Variants in TENM1 observed in about 807,000 individuals in gnomAD.
The protein encoded by TENM1 is teneurin transmembrane protein 1.
In TENM1, 35 loss-of-function variants were observed where a neutral mutation model predicts 174.8. The observed-to-expected ratio is 0.20, with a 90% CI of 0.15 to 0.27. The LOEUF (loss-of-function observed/expected upper bound fraction) is 0.27, where lower values mean the gene tolerates loss of function less well. Ranked by LOEUF, TENM1 falls within the 10% of genes least tolerant of loss-of-function variation. The pLI, the probability that TENM1 is intolerant of heterozygous loss-of-function variation, is 1.00. For synonymous variants in TENM1, 781 were observed against 798.7 expected (o/e 0.98, Z 0.37); for missense variants, 1,633 against 2,130.1 (o/e 0.77, Z 4.59).
chrX:124,920,375 G>A (rs1430585823), intron 1 of TENM1, among the ~76,000 whole-genome samples: 1 of 110,233 alleles, frequency 9.1e-6, no homozygotes, highest in African/African-American at 3.3e-5. Flanking sequence ...TTTCATATTT[G>A]CAAGGAATTT....
At chrX:124,627,445 A>G (rs1238795778) in intron 11 of TENM1, among the ~76,000 whole-genome samples, 1 of 111,673 alleles carries the variant, frequency 9.0e-6, no homozygotes, top group African/African-American at 3.3e-5. Flanking sequence ...ATTTAATATG[A>G]CCTCGTGGGA....
chrX:125,088,492 A>G, the TENM1 span, among the ~76,000 whole-genome samples: 1 of 111,436 alleles, frequency 9.0e-6, no homozygotes, highest in African/African-American at 3.3e-5. Flanking sequence ...GGGAAACTCC[A>G]TGGAATGGAG....
chrX:124,549,218 C>T (rs746960213), intron 14 of TENM1, among the ~76,000 whole-genome samples: 152 of 112,171 alleles, frequency 1.4e-3, no homozygotes, highest in Non-Finnish European at 1.8e-3. Flanking sequence ...CATCTGGATG[C>T]GCTGAAAAGC....
chrX:125,044,422 T>C, the TENM1 span, among the ~76,000 whole-genome samples: 1 of 107,472 alleles, frequency 9.3e-6, no homozygotes, highest in Non-Finnish European at 1.9e-5. Flanking sequence ...ACCCCATCTC[T>C]ACAAAAAATT....
intron 3 of TENM1, among the ~76,000 whole-genome samples, chrX:124,758,023 C>T (rs1006752918): frequency 9.9e-5 from 11 of 111,667 alleles, no homozygotes; most frequent in Non-Finnish European, 1.5e-4. Flanking sequence ...AATGATTGTT[C>T]ATTTTGTGCA....
rs181611680 is a variant in TENM1 at position 124,955,651 on chromosome X, C to T, written c.217+7886G>A. On this transcript the variant is annotated intron_variant, in intron 1 of 31. Transcript: ENST00000422452. ...ACTCCCGTAGTTTCATAGAATAGAA[C>T]CACCTATTTCTATTTCTAAGAAAAA... Among the ~76,000 whole-genome samples the T allele has an allele frequency of 1.7e-3, 188 of 111,139 alleles. 2 individuals are homozygous for T. The highest frequency in any genetic ancestry group is 2.2e-3 in the Non-Finnish European group (119 of 52,983).
At chrX:125,171,150 T>C in the TENM1 span, among the ~76,000 whole-genome samples, 27,553 of 109,454 alleles carry the variant, frequency 0.25, 3,310 homozygotes, top group Non-Finnish European at 0.37. Context: ...TTTCTATCAA[T>C]CTTTACACAC....
intron 25 of TENM1, among the ~76,000 whole-genome samples, chrX:124,419,712 G>A (rs186974214): frequency 1.9e-3 from 218 of 112,011 alleles, no homozygotes; most frequent in Non-Finnish European, 3.5e-3. Context: ...GCCCAATCCC[G>A]TACAGAGCAT....
chrX:125,018,182 C>A, the TENM1 span, among the ~76,000 whole-genome samples: 1 of 111,356 alleles, frequency 9.0e-6, no homozygotes, highest in Non-Finnish European at 1.9e-5. Context: ...TGATTCAAGG[C>A]AGTGAATTGT....
At chrX:124,681,210 G>A (rs994683377) in intron 5 of TENM1, among the ~76,000 whole-genome samples, 2 of 111,403 alleles carry the variant, frequency 1.8e-5, no homozygotes, top group Admixed American at 9.6e-5. Flanking sequence ...CACAGTTAAC[G>A]TTAAGGAGCA....
chrX:124,590,452 G>T (rs2858403), intron 11 of TENM1, among the ~76,000 whole-genome samples: 17,799 of 108,872 alleles, frequency 0.16, 1,191 homozygotes, highest in South Asian at 0.29. Flanking sequence ...CAAGGAGAAC[G>T]ACAAACCACT....
intron 5 of TENM1, among the ~76,000 whole-genome samples, chrX:124,693,132 T>A (rs2052569050): frequency 9.1e-6 from 1 of 110,124 alleles, no homozygotes; most frequent in Non-Finnish European, 1.9e-5. Flanking sequence ...AAATGACTCC[T>A]CCCACTAAAA....
chrX:124,605,988 A>C (rs981100395), intron 11 of TENM1, among the ~76,000 whole-genome samples: 7 of 111,813 alleles, frequency 6.3e-5, no homozygotes, highest in African/African-American at 2.3e-4. Context: ...ATTTTTTCCA[A>C]GCTTTCTAAA....
the TENM1 span, among the ~76,000 whole-genome samples, chrX:125,196,013 C>CGAAG: frequency 0.12 from 10,664 of 90,600 alleles, 607 homozygotes; most frequent in African/African-American, 0.18. Flanking sequence ...AAAGAAGGAA[C>CGAAG]GAAGGAAGGA....
chrX:124,665,797 C>A (rs974380856), intron 6 of TENM1, among the ~76,000 whole-genome samples: 12 of 112,111 alleles, frequency 1.1e-4, no homozygotes, highest in African/African-American at 3.9e-4. Context: ...GGGAGTTTTG[C>A]CAGGAATCTG....
At chrX:124,716,848 C>T (rs764134571) in intron 4 of TENM1, among the ~76,000 whole-genome samples, 5 of 111,374 alleles carry the variant, frequency 4.5e-5, no homozygotes, top group South Asian at 3.8e-4. Flanking sequence ...TGGTAAGGAA[C>T]GCACTGAGTA....
intron 11 of TENM1, among the ~76,000 whole-genome samples, chrX:124,586,023 T>C (rs974601371): frequency 2.7e-5 from 3 of 110,031 alleles, no homozygotes; most frequent in Non-Finnish European, 3.8e-5. Flanking sequence ...AATAACAGGC[T>C]CTGAAATTGT....
intron 3 of TENM1, among the ~76,000 whole-genome samples, chrX:124,843,052 C>T (rs759412375): frequency 3.5e-4 from 39 of 110,919 alleles, no homozygotes; most frequent in Non-Finnish European, 6.2e-4. Context: ...TGAACAAACC[C>T]GCAGTGATGA....
chrX:124,882,756 T>C (rs550474804), intron 3 of TENM1, among the ~76,000 whole-genome samples: 2 of 112,332 alleles, frequency 1.8e-5, no homozygotes, highest in African/African-American at 6.5e-5. Context: ...CATATAAATT[T>C]TGGCATAGTT....
Sources: gnomAD v4.1 joint callset for allele counts (sites outside exome capture counted in the v4.1 genomes callset) on GRCh38, gnomAD v4.1.1 for gene constraint, MANE v1.5 for transcripts, NCBI Gene and HGNC (gene_info 2026-07-23, HGNC 2026-07-21) for gene names.